CA10: variants seen among roughly 807,000 people sequenced by gnomAD.
CA10 encodes carbonic anhydrase-related protein 10.
Under a neutral mutation model 44.2 loss-of-function variants are expected in CA10, and 14 were observed. The ratio of observed to expected loss-of-function variants is 0.32; its 90% CI spans 0.21 to 0.50. The LOEUF is 0.50. Ranked by LOEUF, CA10 falls within the 20% of genes least tolerant of loss-of-function variation. The pLI is 0.99. For synonymous variants in CA10, 159 were observed against 141.6 expected (o/e 1.12, Z -0.87); for missense variants, 350 against 409.7 (o/e 0.85, Z 1.26).
intron 2 of CA10, among the ~76,000 whole-genome samples, chr17:52,062,572 C>T (rs1194017755): frequency 1.3e-5 from 2 of 152,190 alleles, no homozygotes; most frequent in East Asian, 1.9e-4. Flanking sequence ...CGAGTTACCC[C>T]GAAGCCACTT....
intron 1 of CA10, among the ~76,000 whole-genome samples, chr17:52,141,351 A>T (rs1989475135): frequency 6.6e-6 from 1 of 152,240 alleles, no homozygotes; most frequent in East Asian, 1.9e-4. Context: ...AAGTCAAGAC[A>T]GTTCTGAGGT....
At chr17:51,860,755 A>G (rs1475713246) in intron 3 of CA10, among the ~76,000 whole-genome samples, 1 of 152,194 alleles carries the variant, frequency 6.6e-6, no homozygotes, top group Non-Finnish European at 1.5e-5. Context: ...TAAACACTAC[A>G]TAGCAGTTAT....
At chr17:51,756,682 T>G (rs1403265221) in intron 3 of CA10, among the ~76,000 whole-genome samples, 1 of 152,040 alleles carries the variant, frequency 6.6e-6, no homozygotes, top group African/African-American at 2.4e-5. Flanking sequence ...TTCACCGTGT[T>G]AGCCAGGATG....
intron 3 of CA10, among the ~76,000 whole-genome samples, chr17:51,789,817 C>A (rs1445333467): frequency 2.0e-5 from 3 of 152,180 alleles, no homozygotes; most frequent in Non-Finnish European, 2.9e-5. Flanking sequence ...TCACCTTTAC[C>A]CTTGTAAGGG....
chr17:52,128,844 C>G (rs1019001020), intron 1 of CA10, among the ~76,000 whole-genome samples: 1 of 152,118 alleles, frequency 6.6e-6, no homozygotes, highest in Non-Finnish European at 1.5e-5. Context: ...GATTTGACTG[C>G]CTGGCTTCCA....
At chr17:52,107,544 A>G (rs1988687162) in intron 1 of CA10, among the ~76,000 whole-genome samples, 1 of 152,144 alleles carries the variant, frequency 6.6e-6, no homozygotes, top group Admixed American at 6.5e-5. Context: ...TAACATTTTT[A>G]TTATCTAGAA....
chr17:51,942,538 T>TTATATATATATATATATATATATATATA lies in CA10; in HGVS notation c.137-11407_137-11406insTATATATATATATATATATATATATATA, dbSNP rs10549926. ...AGCCAGGAAGGAAATCTTGCAGGCATTATATATATATATATATCTGTCATC... is the reference window on the plus strand; with the variant it reads ...AGCCAGGAAGGAAATCTTGCAGGCATTATATATATATATATATATATATATATATATATATATATATATATCTGTCATC... On this transcript the variant is annotated intron_variant, in intron 2 of 8. Transcript: ENST00000451037. Among the ~76,000 whole-genome samples the TTATATATATATATATATATATATATATA allele has an allele frequency of 5.5e-4, 75 of 135,178 alleles. 3 individuals are homozygous for TTATATATATATATATATATATATATATA. The East Asian group carries it at 7.7e-3, about 14-fold the overall frequency. The allele number at this position is 135,178 out of a possible 152,430, so 88.7% of individuals were successfully genotyped here.
intron 3 of CA10, among the ~76,000 whole-genome samples, chr17:51,766,395 A>T (rs1236518764): frequency 6.6e-6 from 1 of 152,140 alleles, no homozygotes; most frequent in East Asian, 1.9e-4. Context: ...ACCAGGTGGG[A>T]AATACTGGTT....
intron 3 of CA10, among the ~76,000 whole-genome samples, chr17:51,882,738 C>T (rs905801708): frequency 6.6e-6 from 1 of 152,144 alleles, no homozygotes; most frequent in Non-Finnish European, 1.5e-5. Context: ...TCTCTGCCAG[C>T]CAGAGCACCG....
intron 2 of CA10, among the ~76,000 whole-genome samples, chr17:51,972,155 A>G (rs1984302989): frequency 6.6e-6 from 1 of 152,106 alleles, no homozygotes; most frequent in Admixed American, 6.6e-5. Flanking sequence ...TGGGGAATCA[A>G]AAAAAGAACA....
chr17:51,905,204 C>T (rs1016705249), intron 3 of CA10, among the ~76,000 whole-genome samples: 1 of 152,130 alleles, frequency 6.6e-6, no homozygotes, highest in African/African-American at 2.4e-5. Context: ...TGACGCTTCC[C>T]TGTGGCACTA....
At chr17:52,074,704 A>G (rs1259153642) in intron 1 of CA10, among the ~76,000 whole-genome samples, 1 of 152,158 alleles carries the variant, frequency 6.6e-6, no homozygotes, top group Non-Finnish European at 1.5e-5. Flanking sequence ...GTAGTGCTTT[A>G]ACTATAAATA....
At chr17:52,129,923 T>A (rs1358148758) in intron 1 of CA10, among the ~76,000 whole-genome samples, 1 of 152,098 alleles carries the variant, frequency 6.6e-6, no homozygotes, top group Non-Finnish European at 1.5e-5. Context: ...TGATAAGGGG[T>A]TAATATCCAA....
At chr17:52,095,224 T>C (rs1236639580) in intron 1 of CA10, among the ~76,000 whole-genome samples, 1 of 152,166 alleles carries the variant, frequency 6.6e-6, no homozygotes, top group East Asian at 1.9e-4. Flanking sequence ...GAGTACATTC[T>C]GCATGATGTT....
chr17:52,121,171 C>T (rs1351183754), intron 1 of CA10, among the ~76,000 whole-genome samples: 3 of 152,134 alleles, frequency 2.0e-5, no homozygotes, highest in Admixed American at 1.3e-4. Flanking sequence ...AGCAGATAGC[C>T]TCAAAAGGCT....
chr17:51,870,944 T>C (rs1199034336), intron 3 of CA10, among the ~76,000 whole-genome samples: 1 of 152,014 alleles, frequency 6.6e-6, no homozygotes, highest in Non-Finnish European at 1.5e-5. Context: ...TATCAGATCA[T>C]GGGGTGAAAA....
chr17:51,641,921 T>C (rs1480231556), intron 6 of CA10, among the ~76,000 whole-genome samples: 2 of 152,290 alleles, frequency 1.3e-5, no homozygotes, highest in African/African-American at 2.4e-5. Context: ...ACTATTCCAA[T>C]GAGAACAAGG....
At position 51,802,603 on chromosome 17, in the gene CA10, C is replaced by T. The variant is rs188944702; in HGVS notation, c.280-54785G>A. Among the ~76,000 whole-genome samples the T allele has an allele frequency of 2.7e-4, 40 of 150,064 alleles. No individual in the cohort carries two copies. In the East Asian group the frequency reaches 6.3e-3, roughly 24 times the overall value. On this transcript the variant is annotated intron_variant, in intron 3 of 8. Transcript: ENST00000451037. ...AAAAAAAAAAACAACCAGAAGCACTCCCTACATTTGAGAAAAAGGACATCT... is the reference window on the plus strand; with the variant it reads ...AAAAAAAAAAACAACCAGAAGCACTTCCTACATTTGAGAAAAAGGACATCT...
At chr17:51,675,049 A>G (rs76168208) in intron 4 of CA10, among the ~76,000 whole-genome samples, 3,178 of 152,296 alleles carry the variant, frequency 0.021, 106 homozygotes, top group African/African-American at 0.072. Flanking sequence ...CCGTTGCCTT[A>G]AACAAACAGA....
Sources: allele counts gnomAD v4.1 joint callset (sites outside exome capture counted in the v4.1 genomes callset), GRCh38; gene constraint gnomAD v4.1.1; transcripts MANE v1.5; gene names NCBI Gene and HGNC (gene_info 2026-07-23, HGNC 2026-07-21).